The following GIGYF2 variants were observed in gnomAD, a reference collection of about 807,000 sequenced individuals.
GIGYF2 encodes GRB10-interacting GYF protein 2.
A neutral mutation model predicts 208.1 loss-of-function variants in GIGYF2; 25 were observed. That is an observed-to-expected ratio of 0.12 (90% confidence interval 0.09 to 0.17). GIGYF2 has a LOEUF of 0.17. Ranked by LOEUF, GIGYF2 falls within the 10% of genes least tolerant of loss-of-function variation. The pLI is 1.00. For synonymous variants in GIGYF2, 534 were observed against 543.8 expected (o/e 0.98, Z 0.25); for missense variants, 1,302 against 1,579.4 (o/e 0.82, Z 2.98).
intron 28 of GIGYF2, among the ~76,000 whole-genome samples, 172 bp downstream of exon 28, chr2:232,850,581 G>T (rs1486587958): frequency 6.6e-6 from 1 of 152,214 alleles, no homozygotes; most frequent in Non-Finnish European, 1.5e-5. Context: ...GGGCGTCTCA[G>T]TGCAGGACCT....
chr2:232,730,321 G>A, intron 2 of GIGYF2: 1 of 538,244 alleles, frequency 1.9e-6, no homozygotes, highest in East Asian at 3.6e-5. Flanking sequence ...CTTTACTTTA[G>A]GGGCCGGGTG....
chr2:232,740,723 A>G (rs1404585157), intron 3 of GIGYF2, among the ~76,000 whole-genome samples: 4 of 152,206 alleles, frequency 2.6e-5, no homozygotes, highest in African/African-American at 2.4e-5. Flanking sequence ...TTAGGGTCTT[A>G]TGGGAGACGG....
intron 10 of GIGYF2, 39 bp downstream of exon 10, chr2:232,790,954 C>T (rs761113464): frequency 6.2e-7 from 1 of 1,611,990 alleles, no homozygotes; most frequent in South Asian, 1.1e-5. Context: ...CAGCATTAAC[C>T]TTATACCAAA....
chr2:232,772,608 G>A (rs558647153), intron 8 of GIGYF2, among the ~76,000 whole-genome samples: 3 of 152,276 alleles, frequency 2.0e-5, no homozygotes, highest in South Asian at 4.1e-4. Context: ...TCATCCTTGC[G>A]TATGACAAAG....
intron 8 of GIGYF2, among the ~76,000 whole-genome samples, chr2:232,785,287 T>C (rs1699874962): frequency 6.6e-6 from 1 of 152,118 alleles, no homozygotes; most frequent in African/African-American, 2.4e-5. Context: ...TTTCTGTGGG[T>C]TGGGAATCTA....
At chr2:232,787,445 T>G in intron 9 of GIGYF2, 116 bp downstream of exon 9, 1 of 885,902 alleles carries the variant, frequency 1.1e-6, no homozygotes, top group Non-Finnish European at 1.8e-6. Flanking sequence ...TGGATTCATA[T>G]TATTTATGCT....
intron 15 of GIGYF2, 142 bp from the exon 16 acceptor site, chr2:232,809,578 T>C (rs1023827309): frequency 7.6e-6 from 5 of 656,266 alleles, no homozygotes; most frequent in African/African-American, 3.7e-5. Flanking sequence ...TCTGAGTTTT[T>C]ATTCAAGTGT....
chr2:232,722,451 C>G (rs556441512), intron 2 of GIGYF2: 2 of 152,200 alleles, frequency 1.3e-5, no homozygotes, highest in Non-Finnish European at 2.9e-5. Context: ...CCCCTGGTCT[C>G]TCCCTTGACA....
intron 9 of GIGYF2, chr2:232,788,348 C>T (rs886197490): frequency 4.8e-6 from 1 of 208,460 alleles, no homozygotes; most frequent in African/African-American, 2.3e-5. Flanking sequence ...TTCATGGCTG[C>T]CTCTTGGGTG....
chr2:232,746,791 G>A (rs1284399732), intron 3 of GIGYF2, among the ~76,000 whole-genome samples: 1 of 151,910 alleles, frequency 6.6e-6, no homozygotes, highest in Non-Finnish European at 1.5e-5. Context: ...TATTAAAAAC[G>A]TTGTGAAATA....
At position 232,771,341 on chromosome 2, in the gene GIGYF2, C is replaced by G. The variant is rs757516316; in HGVS notation, c.532+9905C>G. 8.1e-6 allele frequency: 13 copies of G among 1,612,800 alleles called. No individual in the cohort carries two copies. In the Admixed American group the frequency reaches 2.0e-4, roughly 25 times the overall value. Reference sequence around the variant, plus strand: ...CTTTGACTTAGGAGAGGAGCAATAACTTTGCAATTACTGCTGTCCATCTCA... The same window carrying G: ...CTTTGACTTAGGAGAGGAGCAATAAGTTTGCAATTACTGCTGTCCATCTCA... On this transcript the variant is annotated intron_variant, in intron 8 of 28. Coordinates refer to ENST00000373563, the MANE Select transcript of GIGYF2 (RefSeq NM_001103146.3).
intron 28 of GIGYF2, among the ~76,000 whole-genome samples, chr2:232,852,851 C>T (rs935506563): frequency 2.0e-5 from 3 of 152,214 alleles, no homozygotes; most frequent in African/African-American, 7.2e-5. Context: ...GAGGTCAGAC[C>T]GTTTGGACTT....
intron 1 of GIGYF2, among the ~76,000 whole-genome samples, chr2:232,701,040 AAATT>A (rs1165797139): frequency 2.0e-5 from 3 of 152,128 alleles, no homozygotes; most frequent in African/African-American, 4.8e-5. Context: ...GAAATATACT[AAATT>A]AATTATGTAG....
At chr2:232,843,965 C>T in intron 23 of GIGYF2, 81 bp from the exon 24 acceptor site, 1 of 1,250,402 alleles carries the variant, frequency 8.0e-7, no homozygotes, top group Non-Finnish European at 1.2e-6. Flanking sequence ...TGTGTATTTA[C>T]ATTCCATTTA....
At chr2:232,776,539 C>A in intron 8 of GIGYF2, 1 of 927,408 alleles carries the variant, frequency 1.1e-6, no homozygotes, top group South Asian at 1.4e-5. Flanking sequence ...ATCTACAAGT[C>A]TAGTTTGTAG....
At chr2:232,739,368 C>T (rs1246539415) in intron 3 of GIGYF2, among the ~76,000 whole-genome samples, 1 of 135,720 alleles carries the variant, frequency 7.4e-6, no homozygotes, top group Non-Finnish European at 1.6e-5. Flanking sequence ...CAAACCCCCC[C>T]CCCCCCGCAA....
chr2:232,814,044 C>G (rs942598085), intron 18 of GIGYF2, among the ~76,000 whole-genome samples: 1 of 151,516 alleles, frequency 6.6e-6, no homozygotes, highest in Non-Finnish European at 1.5e-5. Context: ...CCCACCACCA[C>G]GCTTGGCTAA....
intron 16 of GIGYF2, 93 bp from the exon 17 acceptor site, chr2:232,811,151 G>A: frequency 1.4e-6 from 1 of 730,380 alleles, no homozygotes; most frequent in East Asian, 2.5e-5. Context: ...ATGTCTCCTG[G>A]GGGGCTTTGA....
chr2:232,767,558 A>ATATG (rs1463879082), intron 8 of GIGYF2: 1 of 153,630 alleles, frequency 6.5e-6, no homozygotes, highest in East Asian at 1.9e-4. Context: ...AAGTGAACAT[A>ATATG]TATGTATGTG....
Sources: gnomAD v4.1 joint callset for allele counts (sites outside exome capture counted in the v4.1 genomes callset) on GRCh38, gnomAD v4.1.1 for gene constraint, MANE v1.5 for transcripts, NCBI Gene and HGNC (gene_info 2026-07-23, HGNC 2026-07-21) for gene names.